DCAKD: variants seen among roughly 807,000 people sequenced by gnomAD.
DCAKD encodes dephospho-CoA kinase domain-containing protein.
A neutral mutation model predicts 18.7 loss-of-function variants in DCAKD; 15 were observed. The ratio of observed to expected loss-of-function variants is 0.80; its 90% CI spans 0.54 to 1.24. The LOEUF is 1.24. Ranked by LOEUF, DCAKD falls within the 50% of genes most tolerant of loss-of-function variation. DCAKD has a pLI of 0.00. For missense variants in DCAKD, 301 were observed against 322.0 expected, an observed-to-expected ratio of 0.93 and a Z score of 0.50; for synonymous variants, 130 against 133.0, an observed-to-expected ratio of 0.98 and a Z score of 0.16.
At chr17:45,035,549 G>A (rs931561740) in intron 1 of DCAKD, among the ~76,000 whole-genome samples, 7 of 151,602 alleles carry the variant, frequency 4.6e-5, no homozygotes, top group Admixed American at 6.6e-5. Flanking sequence ...AACAGGCAGG[G>A]CAAGGTCAGG....
intron 1 of DCAKD, among the ~76,000 whole-genome samples, chr17:45,047,592 G>A (rs756899451): frequency 6.9e-6 from 1 of 144,274 alleles, no homozygotes; most frequent in Non-Finnish European, 1.5e-5. Flanking sequence ...TGCAACCTCC[G>A]GCTCCCGGTT....
intron 1 of DCAKD, among the ~76,000 whole-genome samples, chr17:45,057,340 G>A (rs1487435819): frequency 6.7e-6 from 1 of 149,544 alleles, no homozygotes; most frequent in African/African-American, 2.4e-5. Context: ...ACCTCACCCA[G>A]CTATATTTCT....
rs1267560101 is a variant in DCAKD at position 45,051,533 on chromosome 17, CCGCGTGGCG to C, written c.-296_-288del. On this transcript the variant is annotated 5_prime_UTR_variant, in exon 1 of 5. Coordinates refer to ENST00000651974, the MANE Select transcript of DCAKD (RefSeq NM_001288655.2). ...CGGCGCCCGGCTGGCTCTCACCGGC[CCGCGTGGCG>C]CGCTACGTACCCAGCGCCTCCGCCG... 3 of 151,670 alleles carry C rather than the reference CCGCGTGGCG, an allele frequency of 2.0e-5. No homozygotes were observed. Among genetic ancestry groups the C allele is most frequent in the African/African-American group, 7.3e-5 (3 of 41,338 alleles). The allele number at this position is 151,670 out of a possible 1,614,324, so 9.4% of individuals were successfully genotyped here. A position where few individuals can be genotyped will look rare whatever the true frequency, so the allele number is the denominator to read the frequency against.
chr17:45,031,386 T>C (rs1474407630), intron 3 of DCAKD: 2 of 979,694 alleles, frequency 2.0e-6, no homozygotes. Flanking sequence ...TTCCCCACCA[T>C]GTGACCTTGG....
At chr17:45,046,679 A>G (rs1295512642) in intron 1 of DCAKD, among the ~76,000 whole-genome samples, 1 of 151,576 alleles carries the variant, frequency 6.6e-6, no homozygotes, top group Non-Finnish European at 1.5e-5. Flanking sequence ...GGTGGCCTAC[A>G]CACAGGAGAA....
At chr17:45,030,292 G>T in intron 3 of DCAKD, 113 bp from the exon 4 acceptor site, 1 of 868,152 alleles carries the variant, frequency 1.2e-6, no homozygotes, top group South Asian at 1.4e-5. Flanking sequence ...GGCCTTCCAA[G>T]GACACACATA....
At position 45,030,145 on chromosome 17, in the gene DCAKD, C is replaced by T. The variant is rs1412887938; in HGVS notation, c.351G>A (p.Leu117=). The change falls in exon 4 of 5, where the codon CTG becomes CTA. Residue 117 remains leucine, a synonymous_variant. Transcript: ENST00000651974. ...YRYVILDIPL[L]FETKKLLKYM... The stretch of plus-strand genomic sequence containing the variant: ...ACTTGAGCAACTTCTTGGTCTCAAA[C>T]AGCAGGGGGATATCCAGAATCACGT... 4 of 1,614,152 alleles carry T rather than the reference C, an allele frequency of 2.5e-6. No homozygotes were observed. Among genetic ancestry groups the T allele is most frequent in the Non-Finnish European group, 2.5e-6 (3 of 1,180,000 alleles).
At chr17:45,026,290 C>A (rs868331593) in intron 4 of DCAKD, among the ~76,000 whole-genome samples, 1 of 139,218 alleles carries the variant, frequency 7.2e-6, no homozygotes, top group Non-Finnish European at 1.5e-5. Flanking sequence ...CGCAGTGGTG[C>A]GATCTCGGCT....
chr17:45,056,526 T>G (rs1490699089), upstream of DCAKD, among the ~76,000 whole-genome samples: 1 of 152,022 alleles, frequency 6.6e-6, no homozygotes, highest in African/African-American at 2.4e-5. Context: ...CAGGTTGGAG[T>G]GCAATGGTGC....
chr17:45,040,812 T>C (rs1196532607), intron 1 of DCAKD, among the ~76,000 whole-genome samples: 1 of 152,184 alleles, frequency 6.6e-6, no homozygotes, highest in Non-Finnish European at 1.5e-5. Flanking sequence ...GATTCTATTG[T>C]GCTCCACAAG....
intron 1 of DCAKD, among the ~76,000 whole-genome samples, chr17:45,051,156 G>A (rs936964379): frequency 6.6e-6 from 1 of 152,214 alleles, no homozygotes; most frequent in Admixed American, 6.5e-5. Context: ...AACTGAAGTG[G>A]CAGAAGCTAG....
upstream of DCAKD, among the ~76,000 whole-genome samples, chr17:45,054,559 T>C (rs2053760283): frequency 6.6e-6 from 1 of 152,184 alleles, no homozygotes; most frequent in South Asian, 2.1e-4. Flanking sequence ...ACAGTTGTTA[T>C]TTTTTCAAGT....
chr17:45,041,935 A>G (rs1162591021), intron 1 of DCAKD, among the ~76,000 whole-genome samples: 2 of 151,670 alleles, frequency 1.3e-5, no homozygotes, highest in African/African-American at 4.8e-5. Context: ...CCTGGGCAAC[A>G]AAGCGAGATC....
rs368505042 is a variant in DCAKD at position 45,034,397 on chromosome 17, C to T, written c.113-7G>A. The T allele has an allele frequency of 3.4e-5, 55 of 1,613,146 alleles. No homozygotes were observed. Among genetic ancestry groups the T allele is most frequent in the Non-Finnish European group, 2.1e-5 (25 of 1,179,894 alleles). On this transcript the variant is annotated splice_polypyrimidine_tract_variant and splice_region_variant and intron_variant, in intron 2 of 4. Transcript: ENST00000651974. ...GGGTATCCTGGCTGCACGACTGTGG[C>T]AGGAGGAAGAAGCTGGGTCACTCCC... is the stretch of plus-strand genomic sequence containing the variant.
rs114802855 is a variant in DCAKD, at chr17:45,044,111, G to A, written c.-115+7250C>T. 5.5e-3 allele frequency among the ~76,000 whole-genome samples: 831 copies of A among 152,200 alleles called. 14 individuals are homozygous for A. The highest frequency in any genetic ancestry group is 0.018 in the African/African-American group (757 of 41,522). On this transcript the variant is annotated intron_variant, in intron 1 of 4. Transcript: ENST00000651974. Reference sequence around the variant, plus strand: ...TCATGTCAGGCCTCTGCTCACAGCCGTCTAACAGTTACCATCTCAGTGAGT... The same window carrying A: ...TCATGTCAGGCCTCTGCTCACAGCCATCTAACAGTTACCATCTCAGTGAGT...
At chr17:45,056,701 C>T (rs1391249771) in intron 1 of DCAKD, among the ~76,000 whole-genome samples, 1 of 152,158 alleles carries the variant, frequency 6.6e-6, no homozygotes, top group African/African-American at 2.4e-5. Context: ...TCTCAAACTC[C>T]TGACCTCAGG....
rs2053698721 is a variant in DCAKD at position 45,051,590 on chromosome 17, C to T, written c.-344G>A. ...CCGTGGCCCAGGCCTCCGCCTCTAG[C>T]CCAATCTCCGCAGCGCTTACAGGCC... On this transcript the variant is annotated 5_prime_UTR_variant, in exon 1 of 5. Coordinates refer to ENST00000651974, the MANE Select transcript of DCAKD (RefSeq NM_001288655.2). 1 of 151,390 alleles carries T rather than the reference C, an allele frequency of 6.6e-6. No individual in the cohort carries two copies. The highest frequency in any genetic ancestry group is 2.1e-4 in the South Asian group (1 of 4,794). The allele number at this position is 151,390 out of a possible 1,614,324, so 9.4% of individuals were successfully genotyped here.
In DCAKD at chr17:45,024,225, T is replaced by C. The variant is rs186141052; in HGVS notation, c.*208A>G. The C allele has an allele frequency of 1.6e-5, 10 of 611,160 alleles. No homozygotes were observed. The Admixed American group carries it at 2.1e-4, about 13-fold the overall frequency. 37.9% of individuals were successfully genotyped at this position (611,160 alleles called of 1,614,324 possible). A position where few individuals can be genotyped will look rare whatever the true frequency, so the allele number is the denominator to read the frequency against. On this transcript the variant is annotated 3_prime_UTR_variant, in exon 5 of 5. Coordinates refer to ENST00000651974, the MANE Select transcript of DCAKD (RefSeq NM_001288655.2). ...CAGCAGGCTATTTCTTGATCTCAAA[T>C]AGGATACACTCCAAAGACGGGATGG...
In DCAKD at chr17:45,034,966, T is replaced by C. The variant is rs1331349414; in HGVS notation, c.-81A>G. On this transcript the variant is annotated 5_prime_UTR_variant, in exon 2 of 5. Transcript: ENST00000651974. ...TGGAGAGCAGGGCAAGTGTGGCCGA[T>C]GGGGGCGGTCCACCAGAGGAGTGCC... 1 of 1,467,390 alleles carries C rather than the reference T, an allele frequency of 6.8e-7. No homozygotes were observed. The highest frequency in any genetic ancestry group is 2.4e-5 in the East Asian group (1 of 42,274). 90.9% of individuals were successfully genotyped at this position (1,467,390 alleles called of 1,614,324 possible).
Sources: gnomAD v4.1 joint callset for allele counts (sites outside exome capture counted in the v4.1 genomes callset) on GRCh38, gnomAD v4.1.1 for gene constraint, MANE v1.5 for transcripts, NCBI Gene and HGNC (gene_info 2026-07-23, HGNC 2026-07-21) for gene names.